LCN6: variants seen among roughly 807,000 people sequenced by gnomAD.
LCN6 encodes the protein lipocalin 6.
LCN6 carries 20 observed loss-of-function variants against 21.4 expected under a neutral mutation model. That is an observed-to-expected ratio of 0.93 (90% CI 0.66 to 1.36). The LOEUF is 1.36. Among genes scored for constraint, LCN6 ranks in the 40% most tolerant of loss-of-function variants. LCN6 has a pLI of 0.00. For missense variants in LCN6, 217 were observed against 206.6 expected, an observed-to-expected ratio of 1.05 and a Z score of -0.31; for synonymous variants, 96 against 89.0, an observed-to-expected ratio of 1.08 and a Z score of -0.44.
At chr9:136,747,370 T>G in intron 2 of LCN6, 54 bp downstream of exon 2, 1 of 1,596,718 alleles carries the variant, frequency 6.3e-7, no homozygotes. Flanking sequence ...GTACATGATG[T>G]GGCTGAGCCA....
At chr9:136,748,357 C>T (rs1344079448) in intron 1 of LCN6, 37 bp downstream of exon 1, 12 of 1,568,898 alleles carry the variant, frequency 7.6e-6, no homozygotes, top group Admixed American at 3.6e-5. Flanking sequence ...GGCTGGCCCC[C>T]GAGGACCAGC....
At chr9:136,745,666 T>C (rs1847027833) in intron 3 of LCN6, 178 bp downstream of exon 3, 1 of 653,654 alleles carries the variant, frequency 1.5e-6, no homozygotes, top group Non-Finnish European at 2.7e-6. Context: ...GGGAACAAGG[T>C]TCCAATCCTC....
At chr9:136,747,698 C>G in intron 1 of LCN6, 135 bp from the exon 2 acceptor site, 1 of 1,133,330 alleles carries the variant, frequency 8.8e-7, no homozygotes, top group African/African-American at 1.7e-5. Flanking sequence ...AGCCCTCCAG[C>G]CTCCAGCCTC....
At chr9:136,747,347 G>A (rs1344835115) in intron 2 of LCN6, 77 bp downstream of exon 2, 15 of 1,535,698 alleles carry the variant, frequency 9.8e-6, no homozygotes, top group Admixed American at 7.2e-5. Flanking sequence ...GTGCCCGGGA[G>A]CAGATGTGCA....
At chr9:136,748,164 A>C (rs1465746066) in intron 1 of LCN6, among the ~76,000 whole-genome samples, 1 of 111,552 alleles carries the variant, frequency 9.0e-6, no homozygotes, top group Admixed American at 8.4e-5. Flanking sequence ...CAGCCCTGCA[A>C]CCTCCAGTCT....
At chr9:136,746,242 G>T (rs1847035181) in intron 2 of LCN6, among the ~76,000 whole-genome samples, 2 of 117,442 alleles carry the variant, frequency 1.7e-5, no homozygotes, top group Non-Finnish European at 3.6e-5. Context: ...TGGGGTGGGG[G>T]TTCGCCCGTG....
At chr9:136,745,514 C>T (rs1037736748) in intron 3 of LCN6, 22 of 585,742 alleles carry the variant, frequency 3.8e-5, no homozygotes, top group African/African-American at 2.4e-4. Flanking sequence ...ACAAGCACTG[C>T]CCCAGCCTGT....
At chr9:136,745,557 C>T in intron 3 of LCN6, 2 of 590,972 alleles carry the variant, frequency 3.4e-6, no homozygotes, top group South Asian at 2.0e-5. Flanking sequence ...CTGGGTCACA[C>T]CAGCCCAGCC....
At position 136,748,405 on chromosome 9, in the gene LCN6, C is replaced by A. The variant is rs755717756; in HGVS notation, c.79G>T (p.Asp27Tyr). Reference protein sequence around the residue: ...RAQAVWLGRLDPEQLLGPWYV... With the variant: ...RAQAVWLGRLYPEQLLGPWYV... ...CAGGAGGACTGTACCTGCTCAGGGT[C>A]CAGTCTTCCCAACCACACGGCCTGG... The change falls in exon 1 of 7, where the codon GAC (aspartate) becomes TAC (tyrosine). Residue 27 changes from aspartate to tyrosine, a missense_variant. Transcript: ENST00000341206. 2.5e-6 allele frequency: 4 copies of A among 1,612,380 alleles called. No individual in the cohort carries two copies. Among genetic ancestry groups the A allele is most frequent in the South Asian group, 2.2e-5 (2 of 90,870 alleles).
intron 2 of LCN6, among the ~76,000 whole-genome samples, chr9:136,746,396 G>C (rs1376994820): frequency 6.8e-6 from 1 of 147,136 alleles, no homozygotes; most frequent in Non-Finnish European, 1.5e-5. Context: ...ATGGGGCGGG[G>C]TGGGGGTTTG....
intron 2 of LCN6, among the ~76,000 whole-genome samples, 168 bp downstream of exon 2, chr9:136,747,256 A>G (rs1451141964): frequency 6.6e-6 from 1 of 152,140 alleles, no homozygotes; most frequent in Non-Finnish European, 1.5e-5. Context: ...GTAGCTGGGC[A>G]GAGGGCTGGT....
At chr9:136,746,245 C>T (rs1217302512) in intron 2 of LCN6, among the ~76,000 whole-genome samples, 15 of 132,892 alleles carry the variant, frequency 1.1e-4, no homozygotes, top group African/African-American at 4.0e-4. Flanking sequence ...GGTGGGGGTT[C>T]GCCCGTGACT....
chr9:136,745,519 G>A lies in LCN6; in HGVS notation c.302-239C>T, dbSNP rs374136292. ...GGACAGACAGACAAGCACTGCCCCA[G>A]CCTGTCCCAGGTGTGAACGAGGAGC... On this transcript the variant is annotated intron_variant, in intron 3 of 6. Coordinates refer to ENST00000341206, the MANE Select transcript of LCN6 (RefSeq NM_198946.3). The A allele has an allele frequency of 3.2e-5, 19 of 590,832 alleles. No individual in the cohort carries two copies. The African/African-American group carries it at 3.6e-4, about 11-fold the overall frequency. 36.6% of individuals were successfully genotyped at this position (590,832 alleles called of 1,614,324 possible).
chr9:136,748,297 G>T, intron 1 of LCN6, 97 bp downstream of exon 1: 1 of 1,071,978 alleles, frequency 9.3e-7, no homozygotes, highest in South Asian at 1.5e-5. Context: ...TGCTCATGCT[G>T]GTCTGGGCTA....
rs1486407680 is a variant in LCN6 at position 136,748,036 on chromosome 9, CCCTCCAGCCT to C, written c.90+348_90+357del. ...AGTTCTGCAGCCCTCCAGCCTCCAG[CCCTCCAGCCT>C]CCAGTTCTACAGCCCTCCAGCCTCC... is the stretch of plus-strand genomic sequence containing the variant. On this transcript the variant is annotated intron_variant, in intron 1 of 6. Transcript: ENST00000341206. Among the ~76,000 whole-genome samples the C allele has an allele frequency of 4.1e-3, 617 of 149,252 alleles. 2 individuals carry two copies. Among genetic ancestry groups the C allele is most frequent in the African/African-American group, 0.015 (584 of 40,234 alleles).
intron 1 of LCN6, 29 bp downstream of exon 1, chr9:136,748,365 A>C: frequency 6.3e-7 from 1 of 1,589,906 alleles, no homozygotes; most frequent in Non-Finnish European, 8.6e-7. Context: ...CCCGAGGACC[A>C]GCTCTCCCCA....
At chr9:136,747,690 C>CCCTCCAG in intron 1 of LCN6, 127 bp from the exon 2 acceptor site, 1 of 875,644 alleles carries the variant, frequency 1.1e-6, no homozygotes, top group Non-Finnish European at 1.6e-6. Flanking sequence ...AACCATCCAG[C>CCCTCCAG]CCTCCAGCCT....
rs887259768 is a variant in LCN6 at position 136,745,544 on chromosome 9, C to T, written c.302-264G>A. 18 of 587,016 alleles carry T rather than the reference C, an allele frequency of 3.1e-5. No homozygotes were observed. In the East Asian group the frequency reaches 4.0e-4, roughly 13 times the overall value. The allele number at this position is 587,016 out of a possible 1,614,324, so 36.4% of individuals were successfully genotyped here. On this transcript the variant is annotated intron_variant, in intron 3 of 6. Coordinates refer to ENST00000341206, the MANE Select transcript of LCN6 (RefSeq NM_198946.3). ...GCCTGTCCCAGGTGTGAACGAGGAG[C>T]GGCTGGGTCACACCAGCCCAGCCCT...
intron 2 of LCN6, 88 bp downstream of exon 2, chr9:136,747,336 G>A (rs923196702): frequency 4.8e-5 from 72 of 1,494,002 alleles, no homozygotes; most frequent in South Asian, 3.4e-4. Flanking sequence ...CCCAGGCCGC[G>A]GTGCCCGGGA....
Sources: allele counts gnomAD v4.1 joint callset (sites outside exome capture counted in the v4.1 genomes callset), GRCh38; gene constraint gnomAD v4.1.1; transcripts MANE v1.5; gene names NCBI Gene and HGNC (gene_info 2026-07-23, HGNC 2026-07-21).